The following ESRRG variants were observed in gnomAD, a reference collection of about 807,000 sequenced individuals.
ESRRG encodes estrogen related receptor gamma, also known as estrogen-related receptor gamma.
Under a neutral mutation model 44.0 loss-of-function variants are expected in ESRRG, and 13 were observed. The ratio of observed to expected loss-of-function variants is 0.30; its 90% CI spans 0.19 to 0.47. The LOEUF (loss-of-function observed/expected upper bound fraction) is 0.47, where lower values mean the gene tolerates loss of function less well. ESRRG is among the 20% of genes least tolerant of loss of function. ESRRG has a pLI of 1.00. For synonymous variants in ESRRG, 215 were observed against 214.6 expected, an observed-to-expected ratio of 1.00 and a Z score of -0.02; for missense variants, 395 against 580.6, an observed-to-expected ratio of 0.68 and a Z score of 3.29.
intron 1 of ESRRG, among the ~76,000 whole-genome samples, chr1:217,015,963 T>G (rs2079316031): frequency 6.6e-6 from 1 of 152,058 alleles, no homozygotes; most frequent in Non-Finnish European, 1.5e-5. Context: ...ACTGCTGACC[T>G]CAGGTGATCG....
chr1:217,004,378 C>T (rs2077452467), intron 1 of ESRRG, among the ~76,000 whole-genome samples: 1 of 152,132 alleles, frequency 6.6e-6, no homozygotes, highest in Admixed American at 6.5e-5. Flanking sequence ...GTGAATAAGT[C>T]TCAGGAGAGC....
chr1:216,897,933 T>C (rs2058610053), intron 2 of ESRRG, among the ~76,000 whole-genome samples: 1 of 152,182 alleles, frequency 6.6e-6, no homozygotes, highest in Non-Finnish European at 1.5e-5. Context: ...CCTGTCACCC[T>C]TTATCAGTGA....
chr1:216,525,258 A>G (rs576017259), intron 5 of ESRRG, among the ~76,000 whole-genome samples: 6 of 152,298 alleles, frequency 3.9e-5, no homozygotes, highest in African/African-American at 1.4e-4. Context: ...TTTGAAAAGT[A>G]CTAGACACAG....
At chr1:217,013,589 G>T (rs541290285) in intron 1 of ESRRG, among the ~76,000 whole-genome samples, 65 of 152,240 alleles carry the variant, frequency 4.3e-4, no homozygotes, top group African/African-American at 1.5e-3. Flanking sequence ...AGAAAAGAGA[G>T]GTTAAGACCT....
chr1:216,724,823 C>CATTG (rs1264661120), upstream of ESRRG, among the ~76,000 whole-genome samples: 2 of 151,936 alleles, frequency 1.3e-5, no homozygotes, highest in Non-Finnish European at 2.9e-5. Flanking sequence ...AGCAAATGTA[C>CATTG]ATTGGAATAG....
At chr1:216,617,896 C>G (rs994615951) in intron 3 of ESRRG, among the ~76,000 whole-genome samples, 1 of 152,118 alleles carries the variant, frequency 6.6e-6, no homozygotes, top group African/African-American at 2.4e-5. Context: ...CATTGGATGT[C>G]AGAAAGATTT....
At chr1:217,002,323 GAA>G (rs10714133) in intron 1 of ESRRG, among the ~76,000 whole-genome samples, 19,243 of 116,876 alleles carry the variant, frequency 0.16, 2,522 homozygotes, top group African/African-American at 0.34. Flanking sequence ...AAGAAAGAAA[GAA>G]AAAAAAAAAA....
chr1:216,877,646 T>C (rs1487261889), intron 2 of ESRRG, among the ~76,000 whole-genome samples: 2 of 152,044 alleles, frequency 1.3e-5, no homozygotes, highest in African/African-American at 4.8e-5. Flanking sequence ...CCTTGTGATC[T>C]ACCTGCCTCA....
At chr1:217,064,604 G>T (rs564326688) in intron 1 of ESRRG, among the ~76,000 whole-genome samples, 1 of 152,310 alleles carries the variant, frequency 6.6e-6, no homozygotes, top group Non-Finnish European at 1.5e-5. Flanking sequence ...GAAGACAAGA[G>T]TGAATGAGGC....
chr1:216,676,783 A>G (rs2076184041), intron 2 of ESRRG, among the ~76,000 whole-genome samples: 2 of 152,216 alleles, frequency 1.3e-5, no homozygotes, highest in Admixed American at 6.5e-5. Flanking sequence ...TACAGTTGCT[A>G]TATAGACCCA....
At chr1:216,899,833 A>G (rs976144467) in intron 2 of ESRRG, among the ~76,000 whole-genome samples, 1 of 152,172 alleles carries the variant, frequency 6.6e-6, no homozygotes, top group African/African-American at 2.4e-5. Flanking sequence ...CAATCAGCCC[A>G]CCAAGAAGGT....
intron 5 of ESRRG, among the ~76,000 whole-genome samples, chr1:216,527,964 T>C (rs920970431): frequency 4.0e-5 from 6 of 150,638 alleles, no homozygotes; most frequent in Admixed American, 4.0e-4. Flanking sequence ...TGGAGATCTC[T>C]GATTTGTTTC....
chr1:216,551,887 T>C (rs1373962697), intron 5 of ESRRG, among the ~76,000 whole-genome samples: 4 of 152,156 alleles, frequency 2.6e-5, no homozygotes. Flanking sequence ...TCCTTGGCAG[T>C]TGTTCCATCA....
At chr1:217,043,614 T>C (rs1305045587) in intron 1 of ESRRG, among the ~76,000 whole-genome samples, 2 of 150,934 alleles carry the variant, frequency 1.3e-5, no homozygotes, top group East Asian at 2.0e-4. Context: ...TGCTCTTACA[T>C]TGAGCCAACT....
intron 2 of ESRRG, among the ~76,000 whole-genome samples, chr1:216,901,929 T>A (rs1006649205): frequency 6.6e-6 from 1 of 152,142 alleles, no homozygotes; most frequent in African/African-American, 2.4e-5. Flanking sequence ...ATTTATTTTT[T>A]ATTTTTATTT....
intron 1 of ESRRG, among the ~76,000 whole-genome samples, chr1:217,108,569 T>C (rs2092625433): frequency 1.3e-5 from 2 of 152,202 alleles, no homozygotes; most frequent in Admixed American, 6.5e-5. Flanking sequence ...ATGAATGGTT[T>C]AGCACTATCC....
At chr1:216,544,026 C>G (rs1448771539) in intron 5 of ESRRG, among the ~76,000 whole-genome samples, 3 of 151,952 alleles carry the variant, frequency 2.0e-5, no homozygotes, top group African/African-American at 7.2e-5. Flanking sequence ...TAACTGTGTG[C>G]ACTTGGAAAT....
chr1:216,992,501 A>T (rs1373355968), intron 1 of ESRRG, among the ~76,000 whole-genome samples: 2 of 152,204 alleles, frequency 1.3e-5, no homozygotes, highest in African/African-American at 4.8e-5. Flanking sequence ...AGTACCCAGC[A>T]TAGTGCCTGA....
At chr1:216,603,944 A>C (rs2150189994) in intron 3 of ESRRG, among the ~76,000 whole-genome samples, 1 of 47,268 alleles carries the variant, frequency 2.1e-5, no homozygotes, top group Non-Finnish European at 4.8e-5. Context: ...AAACAAAAAA[A>C]CAAAAAAAAA....
Sources: gnomAD v4.1 joint callset for allele counts (sites outside exome capture counted in the v4.1 genomes callset) on GRCh38, gnomAD v4.1.1 for gene constraint, MANE v1.5 for transcripts, NCBI Gene and HGNC (gene_info 2026-07-23, HGNC 2026-07-21) for gene names.